The following RIOK3 variants were observed in gnomAD, a reference collection of about 807,000 sequenced individuals.
RIOK3 encodes the protein serine/threonine-protein kinase RIO3.
In RIOK3, 40 loss-of-function variants were observed where a neutral mutation model predicts 63.5. The observed-to-expected ratio is 0.63, with a 90% CI of 0.49 to 0.82. The LOEUF is 0.82. RIOK3 is among the 40% of genes least tolerant of loss of function. The pLI is 0.00. For missense variants in RIOK3, 557 were observed against 637.0 expected (o/e 0.87, Z 1.35); for synonymous variants, 193 against 205.0 (o/e 0.94, Z 0.50).
At chr18:23,454,942 G>A (rs2057328287) in intron 1 of RIOK3, among the ~76,000 whole-genome samples, 1 of 152,174 alleles carries the variant, frequency 6.6e-6, no homozygotes, top group Admixed American at 6.5e-5. Flanking sequence ...GAAGATTTGA[G>A]GAGGGTTTTG....
At chr18:23,475,523 G>A (rs1389118734) in intron 9 of RIOK3, among the ~76,000 whole-genome samples, 1 of 151,398 alleles carries the variant, frequency 6.6e-6, no homozygotes, top group African/African-American at 2.4e-5. Flanking sequence ...CAGCTACTCG[G>A]GAGTCTAAGG....
chr18:23,473,401 C>G (rs532949008), intron 7 of RIOK3, 28 bp from the exon 8 acceptor site: 2 of 1,485,494 alleles, frequency 1.3e-6, no homozygotes, highest in Admixed American at 1.8e-5. Context: ...GCAACTTGTA[C>G]TGACTTGATT....
At chr18:23,463,914 C>G in intron 2 of RIOK3, 53 bp from the exon 3 acceptor site, 1 of 1,490,794 alleles carries the variant, frequency 6.7e-7, no homozygotes, top group Non-Finnish European at 9.1e-7. Context: ...TAATTGGCAA[C>G]CTCTGTTTAC....
Position 23,482,641 on chromosome 18 carries a change from G to A in RIOK3, c.*1362G>A, listed in dbSNP as rs921612194. 2.0e-5 allele frequency: 3 copies of A among 152,152 alleles called. No individual in the cohort carries two copies. Among genetic ancestry groups the A allele is most frequent in the Admixed American group, 2.0e-4 (3 of 15,270 alleles). 9.4% of individuals were successfully genotyped at this position (152,152 alleles called of 1,614,324 possible). A position where few individuals can be genotyped will look rare whatever the true frequency, so the allele number is the denominator to read the frequency against. On this transcript the variant is annotated 3_prime_UTR_variant, in exon 13 of 13. Transcript: ENST00000339486. ...AAAAAGCAATCACTGTGCTAGAAAA[G>A]TATATTGGCTTTGTTAGGATTAAAG...
chr18:23,467,519 G>C lies in RIOK3; in HGVS notation c.808G>C (p.Gly270Arg), dbSNP rs1311188649. 1.9e-6 allele frequency: 3 copies of C among 1,612,436 alleles called. No individual in the cohort carries two copies. The African/African-American group carries it at 4.0e-5, about 22-fold the overall frequency. Reference protein sequence around the residue: ...GKESVVFHAYGGSMEDEKEDS... With the variant: ...GKESVVFHAYRGSMEDEKEDS... ...GGAGTCTGTTGTCTTTCATGCATAT[G>C]GAGGGAGGTAAATGAGCAAAATATG... Residue 270 changes from glycine to arginine, a missense_variant, in exon 7 of 13, where the codon GGA (glycine) becomes CGA (arginine). This residue lies in a region of RIOK3 where 309 missense variants were observed against 338.7 expected (regional missense o/e 0.91). Coordinates refer to ENST00000339486, the MANE Select transcript of RIOK3 (RefSeq NM_003831.5).
intron 6 of RIOK3, among the ~76,000 whole-genome samples, chr18:23,466,712 AT>A (rs1279361663): frequency 4.6e-4 from 65 of 140,930 alleles, no homozygotes; most frequent in African/African-American, 1.7e-3. Context: ...AAAAAAAAAA[AT>A]GTAAATAAGC....
intron 8 of RIOK3, 67 bp downstream of exon 8, chr18:23,473,693 C>A: frequency 1.7e-6 from 2 of 1,181,404 alleles, no homozygotes; most frequent in South Asian, 1.5e-5. Context: ...TAAAAAAATC[C>A]ATGCTTTCTT....
In RIOK3 at chr18:23,457,638, AG is replaced by A. The variant is rs1401670803; in HGVS notation, c.63+4137del. On this transcript the variant is annotated intron_variant, in intron 1 of 12. Transcript: ENST00000339486. The stretch of plus-strand genomic sequence containing the variant: ...TGTACTGTCTTGGCAGTTTTTTTCT[AG>A]TTTTTTAAAAGTAAGACTATTCTAA... 2.0e-5 allele frequency among the ~76,000 whole-genome samples: 3 copies of A among 152,216 alleles called. No individual in the cohort carries two copies. The East Asian group carries it at 5.8e-4, about 29-fold the overall frequency.
intron 6 of RIOK3, 62 bp from the exon 7 acceptor site, chr18:23,467,337 T>A: frequency 1.3e-6 from 2 of 1,529,256 alleles, no homozygotes; most frequent in Non-Finnish European, 8.9e-7. Context: ...TTATTAGAAG[T>A]GGCTCAGAAA....
At chr18:23,458,849 G>GA (rs1022011433) in intron 1 of RIOK3, among the ~76,000 whole-genome samples, 2 of 152,212 alleles carry the variant, frequency 1.3e-5, no homozygotes, top group African/African-American at 4.8e-5. Context: ...TCACAGCCTG[G>GA]AAAAAGTGTA....
At chr18:23,479,561 G>T in intron 12 of RIOK3, 137 bp downstream of exon 12, 2 of 557,846 alleles carry the variant, frequency 3.6e-6, no homozygotes, top group South Asian at 2.5e-5. Flanking sequence ...TTCTTAAGAT[G>T]TTTTTGGTTT....
At chr18:23,462,851 TTTCTGGTTTTTAAC>T in intron 1 of RIOK3, 99 bp from the exon 2 acceptor site, 1 of 487,234 alleles carries the variant, frequency 2.1e-6, no homozygotes, top group South Asian at 4.3e-5. Flanking sequence ...TAGTTATTCA[TTTCTGGTTTTTAAC>T]TACATAGTTT....
At chr18:23,471,257 T>C (rs146383813) in intron 7 of RIOK3, among the ~76,000 whole-genome samples, 2 of 152,392 alleles carry the variant, frequency 1.3e-5, no homozygotes, top group East Asian at 3.8e-4. Context: ...TGAAGTGACA[T>C]GTGAGTGACA....
At chr18:23,475,577 T>C (rs2057484936) in intron 9 of RIOK3, among the ~76,000 whole-genome samples, 1 of 151,876 alleles carries the variant, frequency 6.6e-6, no homozygotes, top group Non-Finnish European at 1.5e-5. Flanking sequence ...AGCAGTGAGC[T>C]ATGATTGTGC....
chr18:23,476,871 C>T (rs1354306472), intron 9 of RIOK3, 135 bp from the exon 10 acceptor site: 13 of 642,112 alleles, frequency 2.0e-5, no homozygotes, highest in Non-Finnish European at 3.5e-5. Flanking sequence ...GAGATCACAC[C>T]ACTGCACTCC....
Position 23,475,025 on chromosome 18 carries a change from A to T in RIOK3, c.1091A>T (p.His364Leu). The T allele has an allele frequency of 6.2e-7, 1 of 1,612,690 alleles. No homozygotes were observed. The highest frequency in any genetic ancestry group is 1.1e-5 in the South Asian group (1 of 91,046). ...KHILVMSFIG[H>L]DQVPAPKLKE... ...ATTTTAGTTATGTCTTTTATTGGCCATGATCAAGTTCCAGCCCCTAAATTA... is the reference window on the plus strand; with the variant it reads ...ATTTTAGTTATGTCTTTTATTGGCCTTGATCAAGTTCCAGCCCCTAAATTA... The change falls in exon 9 of 13, where the codon CAT becomes CTT. Residue 364 changes from histidine (H) to leucine (L), a missense_variant. Coordinates refer to ENST00000339486, the MANE Select transcript of RIOK3 (RefSeq NM_003831.5).
At chr18:23,460,540 T>G (rs1193491792) in intron 1 of RIOK3, among the ~76,000 whole-genome samples, 2 of 152,196 alleles carry the variant, frequency 1.3e-5, no homozygotes, top group Non-Finnish European at 2.9e-5. Flanking sequence ...GTTGTGTGAT[T>G]TAAGTAATCT....
Position 23,481,286 on chromosome 18 carries a change from T to C in RIOK3, c.*7T>C. 6.7e-7 allele frequency: 1 copy of C among 1,499,948 alleles called. No individual in the cohort carries two copies. Among genetic ancestry groups the C allele is most frequent in the Non-Finnish European group, 9.2e-7 (1 of 1,090,550 alleles). The allele number at this position is 1,499,948 out of a possible 1,614,324, so 92.9% of individuals were successfully genotyped here. A position where few individuals can be genotyped will look rare whatever the true frequency, so the allele number is the denominator to read the frequency against. On this transcript the variant is annotated 3_prime_UTR_variant, in exon 13 of 13. Transcript: ENST00000339486. Reference sequence around the variant, plus strand: ...ACTACTATATGATGAATAGCACTAATACCCACTGCTTCAGTGTTAACACAG... The same window carrying C: ...ACTACTATATGATGAATAGCACTAACACCCACTGCTTCAGTGTTAACACAG...
At chr18:23,458,451 A>G (rs2057354594) in intron 1 of RIOK3, among the ~76,000 whole-genome samples, 1 of 152,178 alleles carries the variant, frequency 6.6e-6, no homozygotes, top group South Asian at 2.1e-4. Flanking sequence ...TTATTTAGCA[A>G]CAGGAAAGAA....
Sources: gnomAD v4.1 joint callset for allele counts (sites outside exome capture counted in the v4.1 genomes callset) on GRCh38, gnomAD v4.1.1 for gene constraint, gnomAD v4.1.1 regional missense constraint, MANE v1.5 for transcripts, NCBI Gene and HGNC (gene_info 2026-07-23, HGNC 2026-07-21) for gene names.